ANKRD10: variants seen among roughly 807,000 people sequenced by gnomAD.
ANKRD10 encodes ankyrin repeat domain-containing protein 10.
Under a neutral mutation model 27.0 loss-of-function variants are expected in ANKRD10, and 14 were observed. The observed-to-expected ratio is 0.52, with a 90% confidence interval of 0.34 to 0.81. The LOEUF (loss-of-function observed/expected upper bound fraction) is 0.81. ANKRD10 is among the 40% of genes least tolerant of loss of function. ANKRD10 has a pLI of 0.01. For synonymous variants in ANKRD10, 250 were observed against 224.5 expected (o/e 1.11, Z -1.01); for missense variants, 493 against 544.0 (o/e 0.91, Z 0.93).
chr13:110,910,785 G>C lies in ANKRD10; in HGVS notation c.211-15C>G. 1.2e-6 allele frequency: 2 copies of C among 1,610,366 alleles called. No homozygotes were observed. Among genetic ancestry groups the C allele is most frequent in the Non-Finnish European group, 8.5e-7 (1 of 1,178,230 alleles). On this transcript the variant is annotated splice_polypyrimidine_tract_variant and intron_variant, in intron 1 of 5. Transcript: ENST00000267339. ...AAGCACTCCAACTTCGAAAACAAGA[G>C]GGGTAATGAAAACACGCAGACATGT...
intron 4 of ANKRD10, 83 bp from the exon 5 acceptor site, chr13:110,883,876 GTGAGCAC>G: frequency 2.8e-6 from 4 of 1,437,558 alleles, no homozygotes; most frequent in Non-Finnish European, 3.8e-6. Context: ...ATTATTTTGT[GTGAGCAC>G]TGAACACTTT....
intron 1 of ANKRD10, among the ~76,000 whole-genome samples, chr13:110,914,206 C>A (rs574344181): frequency 6.6e-6 from 1 of 152,224 alleles, no homozygotes; most frequent in Non-Finnish European, 1.5e-5. Context: ...CGGCCCTCGG[C>A]TACTGGCGAG....
intron 2 of ANKRD10, among the ~76,000 whole-genome samples, 156 bp downstream of exon 2, chr13:110,910,462 C>T (rs1305301153): frequency 6.6e-6 from 1 of 152,240 alleles, no homozygotes; most frequent in East Asian, 1.9e-4. Context: ...GGCCTACTAT[C>T]CTCCACAAAC....
At chr13:110,888,330 C>G (rs570409302) in intron 4 of ANKRD10, among the ~76,000 whole-genome samples, 2 of 151,950 alleles carry the variant, frequency 1.3e-5, no homozygotes, top group African/African-American at 4.8e-5. Flanking sequence ...GTGGAAAACG[C>G]AGACACTGTC....
At position 110,901,283 on chromosome 13, in the gene ANKRD10, A is replaced by C. The variant is rs2065373669; in HGVS notation, c.455+4750T>G. Among the ~76,000 whole-genome samples, 2 of 152,388 alleles carry C rather than the reference A, an allele frequency of 1.3e-5. 1 individual carries two copies. ...ATATATTCTTCAGTTAATAATAGGA[A>C]GAAACTATTTTTAAAGAGTTTCTAC... is the stretch of plus-strand genomic sequence containing the variant. On this transcript the variant is annotated intron_variant, in intron 3 of 5. Coordinates refer to ENST00000267339, the MANE Select transcript of ANKRD10 (RefSeq NM_017664.4).
chr13:110,894,359 A>C, intron 3 of ANKRD10: 1 of 302,884 alleles, frequency 3.3e-6, no homozygotes, highest in East Asian at 5.3e-5. Context: ...CACTCAAACA[A>C]CCACTCCAGA....
chr13:110,914,911 C>T lies in ANKRD10; in HGVS notation c.24G>A (p.Ala8=), dbSNP rs762100966. Residue 8 remains alanine, a synonymous_variant, in exon 1 of 6, where the codon GCG becomes GCA. Transcript: ENST00000267339. MSAAGAG[A]GVEAGFSSEE... is the part of the protein sequence containing the mutation. ...CGCTGGAGAAGCCCGCCTCTACGCC[C>T]GCGCCCGCTCCCGCCGCCGACATGG... 4.9e-5 allele frequency: 76 copies of T among 1,535,962 alleles called. No individual in the cohort carries two copies. The East Asian group carries it at 1.8e-3, about 37-fold the overall frequency.
chr13:110,915,040 G>A lies in ANKRD10; in HGVS notation c.-106C>T, dbSNP rs2065854505. ...AAGGAACGAGACTAGCGCCGCGGTC[G>A]CGTCCCACAGGCTGCCGAGCGGAGC... On this transcript the variant is annotated 5_prime_UTR_variant, in exon 1 of 6. Coordinates refer to ENST00000267339, the MANE Select transcript of ANKRD10 (RefSeq NM_017664.4). The A allele has an allele frequency of 2.8e-6, 4 of 1,429,730 alleles. No individual in the cohort carries two copies. The highest frequency in any genetic ancestry group is 1.5e-5 in the African/African-American group (1 of 67,692). 88.6% of individuals were successfully genotyped at this position (1,429,730 alleles called of 1,614,324 possible).
At chr13:110,883,418 A>T (rs1271732035) in intron 5 of ANKRD10, 11 of 839,064 alleles carry the variant, frequency 1.3e-5, no homozygotes, top group Non-Finnish European at 1.7e-5. Flanking sequence ...TGTCCACAGA[A>T]TATACCCAAA....
intron 1 of ANKRD10, chr13:110,914,450 T>C (rs768982178): frequency 1.4e-3 from 409 of 290,426 alleles, no homozygotes; most frequent in Non-Finnish European, 2.3e-3. Context: ...GTTAGAAACT[T>C]GCTACGCGCG....
chr13:110,910,818 C>G (rs761571172), intron 1 of ANKRD10, 48 bp from the exon 2 acceptor site: 2 of 1,555,408 alleles, frequency 1.3e-6, no homozygotes. Context: ...TGTCAGTACA[C>G]TATTCAATAT....
rs776661248 is a variant in ANKRD10 at position 110,880,131 on chromosome 13, C to T, written c.788-19G>A. ...TTCATATCTGCATTAAGAAATACAC[C>T]TGTCACCAAAATTCAGAACCAATGA... On this transcript the variant is annotated intron_variant, in intron 5 of 5. Transcript: ENST00000267339. The T allele has an allele frequency of 1.8e-5, 28 of 1,592,248 alleles. 1 individual carries two copies. Among genetic ancestry groups the T allele is most frequent in the Middle Eastern group, 1.7e-4 (1 of 5,998 alleles).
Position 110,906,202 on chromosome 13 carries a change from G to A in ANKRD10, c.364-78C>T, listed in dbSNP as rs114570729. 988 of 1,092,168 alleles carry A rather than the reference G, an allele frequency of 9.0e-4. 6 individuals are homozygous for A. The African/African-American group carries it at 0.013, about 15-fold the overall frequency. 67.7% of individuals were successfully genotyped at this position (1,092,168 alleles called of 1,614,324 possible). On this transcript the variant is annotated intron_variant, in intron 2 of 5. Transcript: ENST00000267339. The stretch of plus-strand genomic sequence containing the variant: ...TTTTGGAAGTAATGTCATTAACACA[G>A]ATCAGAGACCTTCTCATCCTTTTTT...
intron 3 of ANKRD10, among the ~76,000 whole-genome samples, chr13:110,903,304 T>C (rs1594614146): frequency 6.6e-6 from 1 of 152,124 alleles, no homozygotes; most frequent in South Asian, 2.1e-4. Flanking sequence ...AACATTTAGT[T>C]TGGTCACAAG....
intron 3 of ANKRD10, chr13:110,894,125 A>G: frequency 6.2e-7 from 1 of 1,609,660 alleles, no homozygotes; most frequent in Non-Finnish European, 8.5e-7. Flanking sequence ...ACACTGAATT[A>G]AAACTGAGGG....
chr13:110,888,088 G>A (rs548538406), intron 4 of ANKRD10, among the ~76,000 whole-genome samples: 1 of 152,240 alleles, frequency 6.6e-6, no homozygotes, highest in East Asian at 1.9e-4. Flanking sequence ...GATTCCAGCA[G>A]TGCAGAGGGT....
intron 4 of ANKRD10, among the ~76,000 whole-genome samples, chr13:110,891,822 G>A (rs937413981): frequency 5.5e-5 from 8 of 145,758 alleles, no homozygotes; most frequent in Non-Finnish European, 7.5e-5. Flanking sequence ...CTCCCCCTAA[G>A]TTCACTAAAT....
At chr13:110,887,079 G>C (rs192178482) in intron 4 of ANKRD10, among the ~76,000 whole-genome samples, 2 of 152,140 alleles carry the variant, frequency 1.3e-5, no homozygotes, top group Non-Finnish European at 2.9e-5. Context: ...TCCTAAGTGA[G>C]AACTAGAGCC....
chr13:110,883,453 C>T, intron 5 of ANKRD10: 1 of 1,188,616 alleles, frequency 8.4e-7, no homozygotes, highest in Non-Finnish European at 1.1e-6. Context: ...TACAAACTTG[C>T]CCAAGATATG....
Sources: gnomAD v4.1 joint callset for allele counts (sites outside exome capture counted in the v4.1 genomes callset) on GRCh38, gnomAD v4.1.1 for gene constraint, MANE v1.5 for transcripts, NCBI Gene and HGNC (gene_info 2026-07-23, HGNC 2026-07-21) for gene names.